KLF12: variants seen among roughly 807,000 people sequenced by gnomAD.
KLF12 encodes the protein KLF transcription factor 12, also known as Krueppel-like factor 12.
A neutral mutation model predicts 37.8 loss-of-function variants in KLF12; 9 were observed. That is an observed-to-expected ratio of 0.24 (90% CI 0.14 to 0.42). The LOEUF (loss-of-function observed/expected upper bound fraction) is 0.42. Among genes scored for constraint, KLF12 ranks in the 10% least tolerant of loss-of-function variants. The pLI, the probability that KLF12 is intolerant of heterozygous loss-of-function variation, is 1.00. For synonymous variants in KLF12, 208 were observed against 202.1 expected (o/e 1.03, Z -0.25); for missense variants, 411 against 516.0 (o/e 0.80, Z 1.97).
At chr13:74,235,720 C>T in the KLF12 span, among the ~76,000 whole-genome samples, 1 of 152,048 alleles carries the variant, frequency 6.6e-6, no homozygotes, top group South Asian at 2.1e-4. Flanking sequence ...GTATGTAAGA[C>T]ATATCCAGAA....
intron 1 of KLF12, among the ~76,000 whole-genome samples, chr13:73,996,447 G>A (rs1164551874): frequency 6.6e-6 from 1 of 152,154 alleles, no homozygotes; most frequent in Admixed American, 6.5e-5. Flanking sequence ...TTAGCCGAAT[G>A]TTCAATCAAG....
chr13:74,126,112 CAT>C (rs1199699562), intron 1 of KLF12, among the ~76,000 whole-genome samples: 5 of 152,190 alleles, frequency 3.3e-5, no homozygotes, highest in Admixed American at 6.5e-5. Flanking sequence ...TGCTGTATTA[CAT>C]GTCATATAAC....
intron 4 of KLF12, among the ~76,000 whole-genome samples, chr13:73,829,935 T>C (rs2138572443): frequency 6.6e-6 from 1 of 152,334 alleles, no homozygotes; most frequent in African/African-American, 2.4e-5. Context: ...ATCCTCTGTT[T>C]ATATCAGATC....
In KLF12 at chr13:73,846,305, C is replaced by G. The variant is rs1594163412; in HGVS notation, c.192G>C (p.Glu64Asp). 6.2e-7 allele frequency: 1 copy of G among 1,613,984 alleles called. No individual in the cohort carries two copies. Among genetic ancestry groups the G allele is most frequent in the Non-Finnish European group, 8.5e-7 (1 of 1,179,944 alleles). ...CTACAGATAACGAGTCCTCCGGGGG[C>G]TCCCCTTTCACATTATTTAGCAACA... The change falls in exon 4 of 8, where the codon GAG becomes GAC. Residue 64 changes from glutamate to aspartate, a missense_variant. Glu to Asp is a conservative substitution (Grantham distance 45). Around this residue, in one of 2 missense-constraint regions of KLF12, gnomAD observed 351 missense variants for 397.8 expected, o/e 0.88. Transcript: ENST00000377669.
At chr13:74,072,139 C>T (rs1593876079) in intron 1 of KLF12, among the ~76,000 whole-genome samples, 1 of 151,838 alleles carries the variant, frequency 6.6e-6, no homozygotes, top group Admixed American at 6.6e-5. Context: ...CAGATCAATG[C>T]CATTTGGCTT....
chr13:74,227,569 A>G, the KLF12 span, among the ~76,000 whole-genome samples: 9,452 of 152,028 alleles, frequency 0.062, 376 homozygotes, highest in Non-Finnish European at 0.095. Context: ...TTCTATTTTT[A>G]GTCAAAATGG....
intron 6 of KLF12, among the ~76,000 whole-genome samples, chr13:73,751,494 A>G (rs891528343): frequency 6.6e-6 from 1 of 152,148 alleles, no homozygotes; most frequent in African/African-American, 2.4e-5. Context: ...CAGGCAAGAG[A>G]TGATGAGGGC....
intron 4 of KLF12, among the ~76,000 whole-genome samples, chr13:73,819,017 G>A (rs1883384804): frequency 6.6e-6 from 1 of 152,186 alleles, no homozygotes; most frequent in Admixed American, 6.5e-5. Context: ...AATGTTTGGG[G>A]AGGAATGTTT....
chr13:73,742,992 A>G (rs895052170), intron 6 of KLF12, among the ~76,000 whole-genome samples: 3 of 151,358 alleles, frequency 2.0e-5, no homozygotes, highest in African/African-American at 7.3e-5. Flanking sequence ...TAAGTCAGGA[A>G]GAGCCATAGG....
the KLF12 span, among the ~76,000 whole-genome samples, chr13:74,237,241 C>G: frequency 7.7e-6 from 1 of 130,196 alleles, no homozygotes; most frequent in Non-Finnish European, 1.5e-5. Context: ...TGTCAAAGAT[C>G]AGATAGTTGT....
intron 3 of KLF12, among the ~76,000 whole-genome samples, chr13:73,893,919 T>C (rs1887632873): frequency 6.6e-6 from 1 of 152,022 alleles, no homozygotes; most frequent in South Asian, 2.1e-4. Context: ...TCCCTAGAAC[T>C]AGAAAGACCA....
the KLF12 span, among the ~76,000 whole-genome samples, chr13:74,186,340 G>T: frequency 1.3e-5 from 2 of 152,032 alleles, no homozygotes; most frequent in African/African-American, 4.8e-5. Context: ...TAACCACCTT[G>T]CCCTTCCTGG....
chr13:74,302,560 T>A, the KLF12 span, among the ~76,000 whole-genome samples: 1 of 152,168 alleles, frequency 6.6e-6, no homozygotes, highest in South Asian at 2.1e-4. Flanking sequence ...AGAAACTGAC[T>A]TGGAGATGAC....
intron 1 of KLF12, among the ~76,000 whole-genome samples, chr13:74,098,828 A>G (rs764755993): frequency 6.6e-6 from 1 of 152,226 alleles, no homozygotes; most frequent in African/African-American, 2.4e-5. Context: ...TTTAACCATT[A>G]TTAAGCAATT....
At chr13:74,122,079 AAG>A (rs1287647273) in intron 1 of KLF12, among the ~76,000 whole-genome samples, 1 of 152,106 alleles carries the variant, frequency 6.6e-6, no homozygotes, top group African/African-American at 2.4e-5. Context: ...ACCAGAGAGA[AAG>A]AGAAGGAATT....
intron 3 of KLF12, among the ~76,000 whole-genome samples, chr13:73,904,385 G>A (rs1227358303): frequency 6.6e-6 from 1 of 150,892 alleles, no homozygotes; most frequent in African/African-American, 2.4e-5. Flanking sequence ...AATTTTCATT[G>A]GAGAAGAGAG....
At chr13:73,953,970 C>CTTTCTTTTTT (rs1437808345) in intron 2 of KLF12, among the ~76,000 whole-genome samples, 7 of 88,534 alleles carry the variant, frequency 7.9e-5, no homozygotes, top group African/African-American at 2.6e-4. Flanking sequence ...TTTTTTCTTT[C>CTTTCTTTTTT]TTTTTTTTTT....
At chr13:73,982,667 T>A (rs1891717269) in intron 2 of KLF12, among the ~76,000 whole-genome samples, 1 of 152,242 alleles carries the variant, frequency 6.6e-6, no homozygotes, top group Non-Finnish European at 1.5e-5. Context: ...TTCATATTTG[T>A]TACTATATTT....
the KLF12 span, among the ~76,000 whole-genome samples, chr13:74,243,779 G>T: frequency 0.41 from 61,564 of 151,998 alleles, 15,577 homozygotes; most frequent in East Asian, 0.74. Flanking sequence ...ATTTGTCCTG[G>T]GTTTTGAAAT....
Sources: allele counts gnomAD v4.1 joint callset (sites outside exome capture counted in the v4.1 genomes callset), GRCh38; gene constraint gnomAD v4.1.1; regional missense constraint gnomAD v4.1.1; transcripts MANE v1.5; gene names NCBI Gene and HGNC (gene_info 2026-07-23, HGNC 2026-07-21).